The following AGFG1 variants were observed in gnomAD, a reference collection of about 807,000 sequenced individuals.
AGFG1 encodes the protein arf-GAP domain and FG repeat-containing protein 1.
Under a neutral mutation model 60.6 loss-of-function variants are expected in AGFG1, and 10 were observed. That is an observed-to-expected ratio of 0.16 (90% CI 0.10 to 0.28). AGFG1 has a LOEUF of 0.28. AGFG1 is among the 10% of genes least tolerant of loss of function. The probability of loss-of-function intolerance (pLI) is 1.00; values close to 1 mark genes in which losing one functional copy is unlikely to be tolerated. For synonymous variants in AGFG1, 247 were observed against 242.9 expected (o/e 1.02, Z -0.16); for missense variants, 537 against 676.5 (o/e 0.79, Z 2.29).
intron 1 of AGFG1, among the ~76,000 whole-genome samples, chr2:227,485,179 CCTATATTTTCATTCCAGTTG>C (rs1245909643): frequency 6.6e-6 from 1 of 151,478 alleles, no homozygotes; most frequent in East Asian, 1.9e-4. Context: ...AATTTTGTTC[CCTATATTTTCATTCCAGTTG>C]CTTTTAAGAT....
intron 2 of AGFG1, among the ~76,000 whole-genome samples, chr2:227,517,957 A>G (rs1575091270): frequency 6.6e-6 from 1 of 152,212 alleles, no homozygotes; most frequent in East Asian, 1.9e-4. Flanking sequence ...AAGATAGCAT[A>G]TATTTTCATT....
intron 1 of AGFG1, among the ~76,000 whole-genome samples, chr2:227,485,411 T>G (rs1252446657): frequency 2.0e-5 from 3 of 150,936 alleles, no homozygotes; most frequent in Non-Finnish European, 1.5e-5. Flanking sequence ...TAATTTTTTT[T>G]TTTTTTTTTT....
At chr2:227,539,314 G>A (rs1026405667) in intron 10 of AGFG1, among the ~76,000 whole-genome samples, 1 of 151,906 alleles carries the variant, frequency 6.6e-6, no homozygotes, top group African/African-American at 2.4e-5. Flanking sequence ...GCGGTGGTAC[G>A]TGCCTGTAGT....
At position 227,559,673 on chromosome 2, in the gene AGFG1, A is replaced by T. The variant is rs547964563; in HGVS notation, c.*5178A>T. On this transcript the variant is annotated 3_prime_UTR_variant, in exon 13 of 13. Coordinates refer to ENST00000310078, the MANE Select transcript of AGFG1 (RefSeq NM_004504.5). ...CGGTTCTCTGAAATCTTGAGATGTT[A>T]TCCAAGTTACAATTTAAGCAATGAG... The T allele has an allele frequency of 1.2e-4, 18 of 152,300 alleles. No homozygotes were observed. Among genetic ancestry groups the T allele is most frequent in the African/African-American group, 3.8e-4 (16 of 41,572 alleles). 9.4% of individuals were successfully genotyped at this position (152,300 alleles called of 1,614,324 possible). A position where few individuals can be genotyped will look rare whatever the true frequency, so the allele number is the denominator to read the frequency against.
intron 10 of AGFG1, among the ~76,000 whole-genome samples, chr2:227,541,043 G>T (rs1195734058): frequency 6.6e-6 from 1 of 152,116 alleles, no homozygotes; most frequent in African/African-American, 2.4e-5. Context: ...TGATAGGGTT[G>T]TTTGATTTTT....
intron 3 of AGFG1, among the ~76,000 whole-genome samples, chr2:227,521,662 T>C (rs1691830671): frequency 6.6e-6 from 1 of 152,236 alleles, no homozygotes; most frequent in Non-Finnish European, 1.5e-5. Flanking sequence ...TCAGCCGTGT[T>C]ACTTTTACCA....
intron 10 of AGFG1, among the ~76,000 whole-genome samples, chr2:227,545,021 G>C (rs374221366): frequency 2.3e-4 from 35 of 152,166 alleles, no homozygotes; most frequent in Middle Eastern, 6.3e-3. Flanking sequence ...CTATATTGGG[G>C]AAGTTCTCCT....
chr2:227,521,891 A>G, intron 3 of AGFG1, among the ~76,000 whole-genome samples: 1 of 152,208 alleles, frequency 6.6e-6, no homozygotes, highest in Non-Finnish European at 1.5e-5. Context: ...GAAACAGGAT[A>G]ATAAGAGTTA....
intron 10 of AGFG1, among the ~76,000 whole-genome samples, chr2:227,538,994 T>G (rs553110128): frequency 2.0e-5 from 3 of 152,218 alleles, no homozygotes; most frequent in African/African-American, 7.2e-5. Context: ...TATTAGATTA[T>G]TATTGAATTG....
chr2:227,536,719 T>G lies in AGFG1; in HGVS notation c.1285+15T>G. The G allele has an allele frequency of 6.2e-7, 1 of 1,612,992 alleles. No individual in the cohort carries two copies. Among genetic ancestry groups the G allele is most frequent in the Non-Finnish European group, 8.5e-7 (1 of 1,179,038 alleles). Reference sequence around the variant, plus strand: ...TCCATTTGGAGGTATGTGCTTCTGGTATATACACTGGTTTTTACAAAGAAC... The same window carrying G: ...TCCATTTGGAGGTATGTGCTTCTGGGATATACACTGGTTTTTACAAAGAAC... On this transcript the variant is annotated intron_variant, in intron 9 of 12. Transcript: ENST00000310078.
intron 2 of AGFG1, among the ~76,000 whole-genome samples, chr2:227,518,516 C>CTT (rs1222543055): frequency 0.024 from 2,448 of 102,250 alleles, 59 homozygotes; most frequent in Middle Eastern, 0.064. Flanking sequence ...GTCTCAGTGT[C>CTT]TTTTTTTTTT....
Position 227,524,925 on chromosome 2 carries a change from T to C in AGFG1, c.694+10T>C. 2 of 1,613,500 alleles carry C rather than the reference T, an allele frequency of 1.2e-6. No individual in the cohort carries two copies. The highest frequency in any genetic ancestry group is 1.7e-4 in the Middle Eastern group (1 of 6,060). On this transcript the variant is annotated intron_variant, in intron 5 of 12. Coordinates refer to ENST00000310078, the MANE Select transcript of AGFG1 (RefSeq NM_004504.5). ...TTCAACAGTCATGCAGGTAAGTGTT[T>C]TTTCCCAACAGCTTTTGCTGGGGAT...
chr2:227,492,471 A>T (rs1315472823), intron 2 of AGFG1, among the ~76,000 whole-genome samples: 1 of 152,036 alleles, frequency 6.6e-6, no homozygotes, highest in Non-Finnish European at 1.5e-5. Context: ...TAATAAACAT[A>T]AAGTAAGTTA....
chr2:227,528,011 A>C (rs1692047415), intron 5 of AGFG1, among the ~76,000 whole-genome samples: 1 of 152,010 alleles, frequency 6.6e-6, no homozygotes, highest in Non-Finnish European at 1.5e-5. Context: ...TTTCAATTTG[A>C]TGACCTGGCT....
chr2:227,520,151 AAGAC>A, intron 3 of AGFG1, 88 bp downstream of exon 3: 1 of 791,246 alleles, frequency 1.3e-6, no homozygotes, highest in South Asian at 1.7e-5. Flanking sequence ...TGAAGGATAA[AAGAC>A]AGACAGTGAG....
intron 10 of AGFG1, among the ~76,000 whole-genome samples, 179 bp from the exon 11 acceptor site, chr2:227,551,780 T>TA (rs1171059550): frequency 1.3e-5 from 2 of 152,218 alleles, no homozygotes; most frequent in Non-Finnish European, 2.9e-5. Flanking sequence ...TTCTACAAGT[T>TA]ACGTTAAACT....
intron 6 of AGFG1, chr2:227,532,084 T>G: frequency 7.1e-7 from 1 of 1,404,588 alleles, no homozygotes; most frequent in Non-Finnish European, 9.6e-7. Flanking sequence ...CTTTCAATTT[T>G]CTTTTTTGTT....
chr2:227,496,033 G>A (rs11687830), intron 2 of AGFG1, among the ~76,000 whole-genome samples: 10,737 of 150,680 alleles, frequency 0.071, 517 homozygotes, highest in Admixed American at 0.11. Context: ...TGGGAGAATC[G>A]CTTGAACCTG....
intron 1 of AGFG1, among the ~76,000 whole-genome samples, chr2:227,490,069 G>A (rs936917854): frequency 1.3e-5 from 2 of 151,964 alleles, no homozygotes; most frequent in African/African-American, 4.8e-5. Context: ...CGTCGTCTCG[G>A]CCCCCCAAAG....
Sources: allele counts gnomAD v4.1 joint callset (sites outside exome capture counted in the v4.1 genomes callset), GRCh38; gene constraint gnomAD v4.1.1; transcripts MANE v1.5; gene names NCBI Gene and HGNC (gene_info 2026-07-23, HGNC 2026-07-21).